ACSM5: variants seen among roughly 807,000 people sequenced by gnomAD.
The protein encoded by ACSM5 is acyl-coenzyme A synthetase ACSM5, mitochondrial.
Under a neutral mutation model 71.6 loss-of-function variants are expected in ACSM5, and 56 were observed. The observed-to-expected ratio is 0.78, with a 90% confidence interval of 0.63 to 0.98. The LOEUF (loss-of-function observed/expected upper bound fraction) is 0.98. Among genes scored for constraint, ACSM5 ranks in the 50% least tolerant of loss-of-function variants. The pLI is 0.00. For missense variants in ACSM5, 723 were observed against 726.0 expected, an observed-to-expected ratio of 1.00 and a Z score of 0.05; for synonymous variants, 285 against 281.5, an observed-to-expected ratio of 1.01 and a Z score of -0.12.
At chr16:20,430,781 A>AGGAAAGAAGGAAG (rs200465356) in intron 8 of ACSM5, among the ~76,000 whole-genome samples, 12,354 of 150,488 alleles carry the variant, frequency 0.082, 625 homozygotes, top group East Asian at 0.17. Context: ...GAAAGAGGAA[A>AGGAAAGAAGGAAG]GGAAGGAGTG....
At chr16:20,436,837 G>A (rs1488267271) in intron 10 of ACSM5, among the ~76,000 whole-genome samples, 1 of 152,134 alleles carries the variant, frequency 6.6e-6, no homozygotes, top group Non-Finnish European at 1.5e-5. Flanking sequence ...TTAACCATTG[G>A]CTGGCAGCTT....
chr16:20,427,659 G>T, intron 6 of ACSM5, 129 bp from the exon 7 acceptor site: 1 of 726,702 alleles, frequency 1.4e-6, no homozygotes, highest in East Asian at 2.5e-5. Context: ...CATCTTGGCT[G>T]CTGGATTCCA....
At chr16:20,434,772 T>G (rs1196060249) in intron 10 of ACSM5, among the ~76,000 whole-genome samples, 1 of 152,246 alleles carries the variant, frequency 6.6e-6, no homozygotes, top group Non-Finnish European at 1.5e-5. Flanking sequence ...CTTGATCACT[T>G]ACTCTGTCTC....
rs913132655 is a variant in ACSM5, at chr16:20,439,690, G to C, written c.1537-110G>C. ...TGGCTGTGCCCAAAAAAAACTAGTA[G>C]AACTTTCATGGTGCAAAGGTAAATG... On this transcript the variant is annotated intron_variant, in intron 12 of 13. Coordinates refer to ENST00000331849, the MANE Select transcript of ACSM5 (RefSeq NM_017888.3). 3.8e-6 allele frequency: 5 copies of C among 1,300,992 alleles called. No individual in the cohort carries two copies. The African/African-American group carries it at 6.1e-5, about 16-fold the overall frequency. 80.6% of individuals were successfully genotyped at this position (1,300,992 alleles called of 1,614,324 possible). A position where few individuals can be genotyped will look rare whatever the true frequency, so the allele number is the denominator to read the frequency against.
Position 20,437,319 on chromosome 16 carries a change from T to C in ACSM5, c.1488T>C (p.Ala496=). The change falls in exon 12 of 14, where the codon GCT becomes GCC. Residue 496 remains alanine, a synonymous_variant. Coordinates refer to ENST00000331849, the MANE Select transcript of ACSM5 (RefSeq NM_017888.3). ...AAAGTGCCCTGGCAGAGCATCCTGC[T>C]GTCCTGGAGTCGGCTGTGGTCAGCA... ...EVESALAEHP[A]VLESAVVSSP... The C allele has an allele frequency of 6.2e-7, 1 of 1,614,096 alleles. No homozygotes were observed. The highest frequency in any genetic ancestry group is 1.7e-5 in the Admixed American group (1 of 60,022).
At position 20,430,605 on chromosome 16, in the gene ACSM5, G is replaced by T. The variant is rs1024872394; in HGVS notation, c.1126-388G>T. Among the ~76,000 whole-genome samples, 40 of 151,898 alleles carry T rather than the reference G, an allele frequency of 2.6e-4. 1 individual carries two copies. Among genetic ancestry groups the T allele is most frequent in the Admixed American group, 3.3e-4 (5 of 15,228 alleles). Reference sequence around the variant, plus strand: ...TAAAGGAAAGAGAAAGGAAAAGAAGGAGGAAAGGAAGGGAAAAAGATGAAT... The same window carrying T: ...TAAAGGAAAGAGAAAGGAAAAGAAGTAGGAAAGGAAGGGAAAAAGATGAAT... On this transcript the variant is annotated intron_variant, in intron 8 of 13. Coordinates refer to ENST00000331849, the MANE Select transcript of ACSM5 (RefSeq NM_017888.3).
In ACSM5 at chr16:20,441,231, A is replaced by G. The variant is rs1205855934; in HGVS notation, c.*804A>G. On this transcript the variant is annotated 3_prime_UTR_variant, in exon 14 of 14. Coordinates refer to ENST00000331849, the MANE Select transcript of ACSM5 (RefSeq NM_017888.3). The stretch of plus-strand genomic sequence containing the variant: ...AGGAGGGAGGGAGAGAAAATAATGG[A>G]TGGTAGTTTTTCTTCTTCCTTTTTC... 6.6e-6 allele frequency: 1 copy of G among 152,156 alleles called. No homozygotes were observed. The highest frequency in any genetic ancestry group is 2.4e-5 in the African/African-American group (1 of 41,438). 9.4% of individuals were successfully genotyped at this position (152,156 alleles called of 1,614,324 possible).
At chr16:20,412,749 A>G (rs555809873) in intron 2 of ACSM5, among the ~76,000 whole-genome samples, 1 of 152,362 alleles carries the variant, frequency 6.6e-6, no homozygotes, top group South Asian at 2.1e-4. Context: ...CAAACAATAG[A>G]TTCACCAAAA....
intron 12 of ACSM5, among the ~76,000 whole-genome samples, chr16:20,438,013 A>G (rs1967237357): frequency 1.3e-5 from 2 of 152,036 alleles, no homozygotes; most frequent in Admixed American, 1.3e-4. Context: ...TTTAGTAGAG[A>G]CAGGGTTTTG....
chr16:20,419,127 G>GTTACGT, intron 3 of ACSM5, 101 bp from the exon 4 acceptor site: 2 of 987,808 alleles, frequency 2.0e-6, no homozygotes, highest in South Asian at 2.9e-5. Context: ...TCCAGCTCAT[G>GTTACGT]CATTCCAACC....
intron 2 of ACSM5, among the ~76,000 whole-genome samples, chr16:20,415,015 G>T (rs1966853864): frequency 6.6e-6 from 1 of 152,188 alleles, no homozygotes; most frequent in Admixed American, 6.6e-5. Context: ...TGGCTGAATG[G>T]TGTCCTAGAG....
At chr16:20,420,430 G>C (rs9938538) in intron 4 of ACSM5, among the ~76,000 whole-genome samples, 2 of 152,090 alleles carry the variant, frequency 1.3e-5, no homozygotes, top group Non-Finnish European at 2.9e-5. Flanking sequence ...GAGAAACCCC[G>C]TCTCTACTAA....
At chr16:20,431,451 A>G (rs1281202732) in intron 10 of ACSM5, 130 bp downstream of exon 10, 11 of 723,894 alleles carry the variant, frequency 1.5e-5, no homozygotes, top group Non-Finnish European at 1.6e-5. Context: ...TATTATTAAT[A>G]AAGTTCTGTT....
At position 20,421,334 on chromosome 16, in the gene ACSM5, AC is replaced by A; in HGVS notation, c.702del (p.Ala236ProfsTer26). 6.2e-7 allele frequency: 1 copy of A among 1,609,690 alleles called. No homozygotes were observed. On this transcript the variant is annotated frameshift_variant, in exon 5 of 14. Coordinates refer to ENST00000331849, the MANE Select transcript of ACSM5 (RefSeq NM_017888.3). LOFTEE classifies it high-confidence loss of function. ...PLAIYFTSGT[T>X]GAPKMVEHSQ... ...GGCCATCTACTTTACCAGCGGAACCACCGGGGCCCCCAAGATGGTCGAGCAC... is the reference window on the plus strand; with the variant it reads ...GGCCATCTACTTTACCAGCGGAACCACGGGGCCCCCAAGATGGTCGAGCAC...
rs1269600998 is a variant in ACSM5 at position 20,419,379 on chromosome 16, G to C, written c.567G>C (p.Lys189Asn). 2 of 1,614,202 alleles carry C rather than the reference G, an allele frequency of 1.2e-6. No individual in the cohort carries two copies. The change falls in exon 4 of 14, where the codon AAG (lysine) becomes AAC (asparagine). Residue 189 changes from lysine (K) to asparagine (N), a missense_variant. Transcript: ENST00000331849. ...ISAECPSLQT[K>N]LLVSDSSRPG... ...CCGAATGCCCCTCCCTCCAGACCAA[G>C]CTGCTGGTGTCAGACAGCAGTCGGC...
chr16:20,416,716 T>C (rs1397019471), intron 2 of ACSM5, among the ~76,000 whole-genome samples: 1 of 152,138 alleles, frequency 6.6e-6, no homozygotes, highest in Non-Finnish European at 1.5e-5. Flanking sequence ...AATAGATTAA[T>C]TGGACTTCAT....
At chr16:20,430,000 G>A (rs1967063152) in intron 8 of ACSM5, among the ~76,000 whole-genome samples, 199 bp downstream of exon 8, 1 of 152,138 alleles carries the variant, frequency 6.6e-6, no homozygotes, top group South Asian at 2.1e-4. Flanking sequence ...CTATGAGGAT[G>A]CAAAGACATA....
At chr16:20,439,708 G>C in intron 12 of ACSM5, 92 bp from the exon 13 acceptor site, 1 of 1,355,474 alleles carries the variant, frequency 7.4e-7, no homozygotes, top group South Asian at 1.3e-5. Flanking sequence ...ATGGTGCAAA[G>C]GTAAATGTAG....
rs530511716 is a variant in ACSM5, at chr16:20,412,544, ATGGTTACCTTTTAT to A, written c.204+858_204+871del. On this transcript the variant is annotated intron_variant, in intron 2 of 13. Transcript: ENST00000331849. Reference sequence around the variant, plus strand: ...TGTGTCTGTTGGGTCTCTCTATTTCATGGTTACCTTTTATTTGTGTTACATGATACTAACTTTTC... The same window carrying A: ...TGTGTCTGTTGGGTCTCTCTATTTCATTGTGTTACATGATACTAACTTTTC... Among the ~76,000 whole-genome samples the A allele has an allele frequency of 2.7e-3, 407 of 152,164 alleles. 3 individuals are homozygous for A. Among genetic ancestry groups the A allele is most frequent in the African/African-American group, 9.3e-3 (385 of 41,500 alleles).
Sources: gnomAD v4.1 joint callset for allele counts (sites outside exome capture counted in the v4.1 genomes callset) on GRCh38, gnomAD v4.1.1 for gene constraint, MANE v1.5 for transcripts, NCBI Gene and HGNC (gene_info 2026-07-23, HGNC 2026-07-21) for gene names.